The following COL23A1 variants were observed in gnomAD, a reference collection of about 807,000 sequenced individuals.
COL23A1 encodes the protein collagen type XXIII alpha 1 chain, also known as collagen alpha-1(XXIII) chain.
A neutral mutation model predicts 99.3 loss-of-function variants in COL23A1; 97 were observed. That is an observed-to-expected ratio of 0.98 (90% CI 0.83 to 1.16). The LOEUF (loss-of-function observed/expected upper bound fraction) is 1.16. COL23A1 is among the 50% of genes most tolerant of loss of function. COL23A1 has a pLI of 0.00. For synonymous variants in COL23A1, 320 were observed against 308.2 expected (o/e 1.04, Z -0.40); for missense variants, 762 against 757.4 (o/e 1.01, Z -0.07).
intron 2 of COL23A1, among the ~76,000 whole-genome samples, chr5:178,483,106 A>G (rs74694489): frequency 0.015 from 2,222 of 152,244 alleles, 67 homozygotes; most frequent in African/African-American, 0.051. Flanking sequence ...AAAATGTCAT[A>G]TTTTATGTTA....
intron 2 of COL23A1, among the ~76,000 whole-genome samples, chr5:178,327,142 G>C (rs1246044174): frequency 6.6e-6 from 1 of 152,042 alleles, no homozygotes; most frequent in Non-Finnish European, 1.5e-5. Context: ...TTGTTCATTC[G>C]TCTTTCTGAC....
intron 2 of COL23A1, among the ~76,000 whole-genome samples, chr5:178,507,713 C>T (rs1411324899): frequency 1.3e-5 from 2 of 152,320 alleles, no homozygotes; most frequent in East Asian, 3.8e-4. Context: ...TGCTGTCTCC[C>T]CATAAGTAAA....
At chr5:178,559,638 C>T (rs1762456519) in intron 2 of COL23A1, among the ~76,000 whole-genome samples, 1 of 137,940 alleles carries the variant, frequency 7.2e-6, no homozygotes, top group Non-Finnish European at 1.5e-5. Context: ...AGTCACCTTT[C>T]CCTGCACGTC....
intron 1 of COL23A1, among the ~76,000 whole-genome samples, chr5:178,587,958 A>G (rs1055975777): frequency 6.6e-6 from 1 of 151,980 alleles, no homozygotes; most frequent in Non-Finnish European, 1.5e-5. Context: ...ACCATCTCTG[A>G]CTCTCCACTG....
intron 2 of COL23A1, among the ~76,000 whole-genome samples, chr5:178,430,216 G>A (rs554100002): frequency 3.9e-5 from 6 of 152,212 alleles, no homozygotes; most frequent in African/African-American, 7.2e-5. Context: ...CCTGTCTCCC[G>A]AGAACGATCA....
At chr5:178,408,986 A>G (rs1764917484) in intron 2 of COL23A1, among the ~76,000 whole-genome samples, 1 of 122,426 alleles carries the variant, frequency 8.2e-6, no homozygotes, top group African/African-American at 3.7e-5. Context: ...ACACACACAC[A>G]CACACACACA....
At chr5:178,370,712 G>T (rs1762753802) in intron 2 of COL23A1, among the ~76,000 whole-genome samples, 1 of 151,908 alleles carries the variant, frequency 6.6e-6, no homozygotes. Flanking sequence ...ATAAAATGTT[G>T]AATAATAAAA....
Position 178,246,306 on chromosome 5 carries a change from C to A in COL23A1, c.1361G>T (p.Gly454Val). 6.4e-7 allele frequency: 1 copy of A among 1,556,568 alleles called. No individual in the cohort carries two copies. The change falls in exon 24 of 29, where the codon GGG (glycine) becomes GTG (valine). Residue 454 changes from glycine (G) to valine (V), a missense_variant and splice_region_variant. Gly to Val is a moderately radical substitution (Grantham distance 109, BLOSUM62 -3). Coordinates refer to ENST00000390654, the MANE Select transcript of COL23A1 (RefSeq NM_173465.4). ...SGERGPSGLP[G>V]PVGPPGLIGL... Reference sequence around the variant, plus strand: ...AATAAGGCCCGGTGGGCCAACTGGCCCCTGGATAGAAAAGGAATGAGTCAA... The same window carrying A: ...AATAAGGCCCGGTGGGCCAACTGGCACCTGGATAGAAAAGGAATGAGTCAA...
At chr5:178,325,272 G>A (rs922309637) in intron 2 of COL23A1, among the ~76,000 whole-genome samples, 1 of 152,156 alleles carries the variant, frequency 6.6e-6, no homozygotes, top group Non-Finnish European at 1.5e-5. Context: ...GCCAGAGATC[G>A]GATCATGCCA....
At chr5:178,302,360 G>A (rs939379645) in intron 3 of COL23A1, among the ~76,000 whole-genome samples, 2 of 148,288 alleles carry the variant, frequency 1.3e-5, no homozygotes, top group Non-Finnish European at 3.0e-5. Flanking sequence ...GTGTGCGCCG[G>A]AGCACGGCTT....
rs999309481 is a variant in COL23A1 at position 178,502,283 on chromosome 5, C to T, written c.361+58399G>A. On this transcript the variant is annotated intron_variant, in intron 2 of 28. Transcript: ENST00000390654. ...AGCAGCTGGGACTACAGGCGCCCGC[C>T]ACCACGCCCGGCTAATTTTTTGTAT... Among the ~76,000 whole-genome samples the T allele has an allele frequency of 3.3e-5, 5 of 152,162 alleles. 1 individual carries two copies. The highest frequency in any genetic ancestry group is 9.7e-5 in the African/African-American group (4 of 41,428).
At chr5:178,381,681 G>T (rs573904958) in intron 2 of COL23A1, among the ~76,000 whole-genome samples, 2 of 152,264 alleles carry the variant, frequency 1.3e-5, no homozygotes, top group East Asian at 3.9e-4. Context: ...TGTCGCCTAC[G>T]CTGGAGTGCA....
chr5:178,375,258 T>A (rs569761389), intron 2 of COL23A1, among the ~76,000 whole-genome samples: 196 of 132,886 alleles, frequency 1.5e-3, no homozygotes, highest in Non-Finnish European at 2.1e-3. Context: ...TGGCAGGGGC[T>A]GGGGGAGAGG....
At chr5:178,260,600 G>C (rs1434567490) in intron 11 of COL23A1, among the ~76,000 whole-genome samples, 2 of 152,186 alleles carry the variant, frequency 1.3e-5, no homozygotes, top group East Asian at 3.8e-4. Context: ...TTCGAGGCCA[G>C]CCTGACCAAC....
chr5:178,551,668 G>A (rs904228977), intron 2 of COL23A1, among the ~76,000 whole-genome samples: 4 of 152,096 alleles, frequency 2.6e-5, no homozygotes, highest in Non-Finnish European at 5.9e-5. Context: ...ATTCGACAGG[G>A]CGTTATCAAC....
In COL23A1 at chr5:178,415,330, C is replaced by T. The variant is rs1314393039; in HGVS notation, c.362-108411G>A. Among the ~76,000 whole-genome samples the T allele has an allele frequency of 6.6e-6, 1 of 152,206 alleles. No homozygotes were observed. Among genetic ancestry groups the T allele is most frequent in the African/African-American group, 2.4e-5 (1 of 41,448 alleles). On this transcript the variant is annotated intron_variant, in intron 2 of 28. Coordinates refer to ENST00000390654, the MANE Select transcript of COL23A1 (RefSeq NM_173465.4). This position sits in a 1 kb window ranked among gnomAD's most constrained non-coding sequence, Gnocchi z 4.6. Reference sequence around the variant, plus strand: ...TGTGCCACAGTGGGAGTGCTGCAGACACTGAGCCACCAGGCTGAGTAAACA... The same window carrying T: ...TGTGCCACAGTGGGAGTGCTGCAGATACTGAGCCACCAGGCTGAGTAAACA...
At chr5:178,424,978 A>C (rs971245230) in intron 2 of COL23A1, among the ~76,000 whole-genome samples, 5 of 152,358 alleles carry the variant, frequency 3.3e-5, no homozygotes, top group African/African-American at 1.2e-4. Context: ...GCGAGCGCCC[A>C]GGCTGCCATC....
intron 3 of COL23A1, among the ~76,000 whole-genome samples, chr5:178,301,175 CTGATTCTTTCTTCTGTCGGCCCAAATCT>C: frequency 6.6e-6 from 1 of 152,102 alleles, no homozygotes; most frequent in Non-Finnish European, 1.5e-5. Context: ...TGCAAGTTTG[CTGATTCTTTCTTCTGTCGGCCCAAATCT>C]ACTGTCGAAG....
intron 2 of COL23A1, among the ~76,000 whole-genome samples, chr5:178,318,558 G>A (rs1310455307): frequency 6.6e-6 from 1 of 152,222 alleles, no homozygotes; most frequent in African/African-American, 2.4e-5. Context: ...CGAAGGGGCC[G>A]GACTAGCCAG....
Sources: allele counts gnomAD v4.1 joint callset (sites outside exome capture counted in the v4.1 genomes callset), GRCh38; gene constraint gnomAD v4.1.1; non-coding constraint Gnocchi (gnomAD v3.1); transcripts MANE v1.5; gene names NCBI Gene and HGNC (gene_info 2026-07-23, HGNC 2026-07-21).